The following CLASP2 variants were observed in gnomAD, a reference collection of about 807,000 sequenced individuals.
CLASP2 encodes the protein cytoplasmic linker associated protein 2, also known as CLIP-associating protein 2.
In CLASP2, 47 loss-of-function variants were observed where a neutral mutation model predicts 194.4. That is an observed-to-expected ratio of 0.24 (90% CI 0.19 to 0.31). The LOEUF (loss-of-function observed/expected upper bound fraction) is 0.31, where lower values mean the gene tolerates loss of function less well. CLASP2 is among the 10% of genes least tolerant of loss of function. The pLI is 1.00. For missense variants in CLASP2, 1,445 were observed against 1,823.6 expected (o/e 0.79, Z 3.78); for synonymous variants, 619 against 633.5 (o/e 0.98, Z 0.34).
intron 34 of CLASP2, among the ~76,000 whole-genome samples, chr3:33,530,339 G>A (rs138327282): frequency 3.9e-5 from 6 of 152,118 alleles, no homozygotes; most frequent in East Asian, 1.9e-4. Flanking sequence ...GCATGGTGGC[G>A]TGTACCTGTT....
chr3:33,689,217 C>T (rs2091063170), intron 3 of CLASP2, among the ~76,000 whole-genome samples: 1 of 150,994 alleles, frequency 6.6e-6, no homozygotes, highest in African/African-American at 2.4e-5. Context: ...CCTGACTCAC[C>T]AATACTACCT....
intron 27 of CLASP2, among the ~76,000 whole-genome samples, chr3:33,563,197 T>C (rs1303329653): frequency 6.6e-6 from 1 of 152,224 alleles, no homozygotes; most frequent in Non-Finnish European, 1.5e-5. Context: ...CTCCCACCAA[T>C]TACTTTCTAA....
chr3:33,558,941 CA>C (rs2061376304), intron 29 of CLASP2: 2 of 285,390 alleles, frequency 7.0e-6, no homozygotes, highest in African/African-American at 4.5e-5. Flanking sequence ...TGATGCCTTC[CA>C]AACGTGTATC....
rs746105386 is a variant in CLASP2, at chr3:33,659,034, C to T, written c.715+4411G>A. The T allele has an allele frequency of 4.6e-6, 7 of 1,535,520 alleles. No individual in the cohort carries two copies. In the African/African-American group the frequency reaches 6.8e-5, roughly 15 times the overall value. On this transcript the variant is annotated intron_variant, in intron 7 of 38. Transcript: ENST00000682230. ...TCTGAAACCAAGAGGTCAAATAGCA[C>T]AGCAAATAAGTACAGCTCAGTGCCT...
chr3:33,690,303 C>T (rs1006301178), intron 2 of CLASP2, among the ~76,000 whole-genome samples: 2 of 152,100 alleles, frequency 1.3e-5, no homozygotes, highest in East Asian at 1.9e-4. Context: ...CTTAAATTAC[C>T]ACTACCATTT....
chr3:33,637,445 A>G (rs747509983), intron 8 of CLASP2, among the ~76,000 whole-genome samples: 2 of 152,148 alleles, frequency 1.3e-5, no homozygotes, highest in African/African-American at 4.8e-5. Flanking sequence ...GAGGCAGGAG[A>G]ATCGCTTGAA....
chr3:33,619,231 C>T (rs892848689), intron 12 of CLASP2, among the ~76,000 whole-genome samples: 8 of 152,068 alleles, frequency 5.3e-5, no homozygotes, highest in Admixed American at 1.3e-4. Flanking sequence ...CCACCATTGA[C>T]GGAAACTTTG....
At chr3:33,631,828 C>T (rs1186572938) in intron 9 of CLASP2, among the ~76,000 whole-genome samples, 1 of 148,326 alleles carries the variant, frequency 6.7e-6, no homozygotes, top group East Asian at 2.0e-4. Context: ...ACTAGAATCA[C>T]AAATTTTACA....
At position 33,581,389 on chromosome 3, in the gene CLASP2, T is replaced by G. The variant is rs1576729671; in HGVS notation, c.2347+432A>C. On this transcript the variant is annotated intron_variant, in intron 23 of 38. Transcript: ENST00000682230. ...AATAAGTAGTTCAGATGTTATTTTGTGGCATTCTTTTTAGTAACCTAAGTT... is the reference window on the plus strand; with the variant it reads ...AATAAGTAGTTCAGATGTTATTTTGGGGCATTCTTTTTAGTAACCTAAGTT... Among the ~76,000 whole-genome samples, 3 of 152,348 alleles carry G rather than the reference T, an allele frequency of 2.0e-5. No individual in the cohort carries two copies. In the South Asian group the frequency reaches 6.2e-4, roughly 32 times the overall value.
intron 36 of CLASP2, among the ~76,000 whole-genome samples, chr3:33,511,737 G>A (rs2049898446): frequency 1.5e-5 from 1 of 66,134 alleles, no homozygotes. Flanking sequence ...CCATCAAAAA[G>A]TGGGCGAAGG....
intron 16 of CLASP2, among the ~76,000 whole-genome samples, chr3:33,604,807 G>A (rs2073359052): frequency 6.6e-6 from 1 of 152,030 alleles, no homozygotes; most frequent in Non-Finnish European, 1.5e-5. Context: ...ACACATCATG[G>A]TGACCACCAA....
intron 8 of CLASP2, among the ~76,000 whole-genome samples, chr3:33,635,952 CAATGTT>C (rs1182593808): frequency 6.6e-6 from 1 of 151,950 alleles, no homozygotes; most frequent in Non-Finnish European, 1.5e-5. Flanking sequence ...CCAAGACAAG[CAATGTT>C]AACTACAGAG....
At chr3:33,693,292 G>A (rs907023836) in intron 2 of CLASP2, among the ~76,000 whole-genome samples, 4 of 151,872 alleles carry the variant, frequency 2.6e-5, no homozygotes, top group African/African-American at 4.8e-5. Context: ...CACTTTTAAC[G>A]TAAAAGAATA....
intron 23 of CLASP2, among the ~76,000 whole-genome samples, chr3:33,580,064 T>G (rs2065702497): frequency 6.6e-6 from 1 of 152,082 alleles, no homozygotes. Flanking sequence ...ACACACAGCC[T>G]TAGTGATGTG....
In CLASP2 at chr3:33,718,212, C is replaced by A; in HGVS notation, c.-210G>T. 1 of 319,588 alleles carries A rather than the reference C, an allele frequency of 3.1e-6. No individual in the cohort carries two copies. The highest frequency in any genetic ancestry group is 5.7e-6 in the Non-Finnish European group (1 of 176,520). 19.8% of individuals were successfully genotyped at this position (319,588 alleles called of 1,614,324 possible). A position where few individuals can be genotyped will look rare whatever the true frequency, so the allele number is the denominator to read the frequency against. Reference sequence around the variant, plus strand: ...AACTCGGCGCCCCCCGATCCCCAGCCCGCTTCAGAGGCCGCGGCCGCGGGC... The same window carrying A: ...AACTCGGCGCCCCCCGATCCCCAGCACGCTTCAGAGGCCGCGGCCGCGGGC... On this transcript the variant is annotated 5_prime_UTR_variant, in exon 1 of 39. Coordinates refer to ENST00000682230, the MANE Select transcript of CLASP2 (RefSeq NM_001365631.1).
At position 33,535,453 on chromosome 3, in the gene CLASP2, A is replaced by G. The variant is rs981891141; in HGVS notation, c.3567T>C (p.Gly1189=). Reference sequence around the variant, plus strand: ...CTCTTGGGTCAGACATCCCAGGACCACCACACATCTATCAATGGGAAGTGA... The same window carrying G: ...CTCTTGGGTCAGACATCCCAGGACCGCCACACATCTATCAATGGGAAGTGA... ...SKKDDGDSMC[G]GPGMSDPRAG... Residue 1189 remains glycine, a synonymous_variant, in exon 34 of 39, where the codon GGT becomes GGC. Transcript: ENST00000682230. 6.2e-7 allele frequency: 1 copy of G among 1,612,990 alleles called. No individual in the cohort carries two copies. Among genetic ancestry groups the G allele is most frequent in the East Asian group, 2.2e-5 (1 of 44,878 alleles).
At chr3:33,679,167 G>C (rs765442110) in intron 6 of CLASP2, among the ~76,000 whole-genome samples, 44 of 152,094 alleles carry the variant, frequency 2.9e-4, no homozygotes, top group Non-Finnish European at 5.7e-4. Flanking sequence ...AACTGTGCTA[G>C]GTCAACTGGA....
At chr3:33,607,009 G>A (rs1177143114) in intron 15 of CLASP2, among the ~76,000 whole-genome samples, 1 of 152,230 alleles carries the variant, frequency 6.6e-6, no homozygotes, top group Non-Finnish European at 1.5e-5. Context: ...ACCCCTAAGT[G>A]TCCAAATTTC....
intron 10 of CLASP2, among the ~76,000 whole-genome samples, chr3:33,623,999 A>G (rs1329950073): frequency 1.3e-5 from 2 of 152,156 alleles, no homozygotes; most frequent in Non-Finnish European, 2.9e-5. Flanking sequence ...TTTATTCAAC[A>G]GAGTACTAGA....
Sources: allele counts gnomAD v4.1 joint callset (sites outside exome capture counted in the v4.1 genomes callset), GRCh38; gene constraint gnomAD v4.1.1; transcripts MANE v1.5; gene names NCBI Gene and HGNC (gene_info 2026-07-23, HGNC 2026-07-21).